Variants in CIT observed in about 807,000 individuals in gnomAD.
The protein encoded by CIT is citron Rho-interacting kinase.
CIT carries 79 observed loss-of-function variants against 272.7 expected under a neutral mutation model. The ratio of observed to expected loss-of-function variants is 0.29; its 90% CI spans 0.24 to 0.35. The LOEUF (loss-of-function observed/expected upper bound fraction) is 0.35. Among genes scored for constraint, CIT ranks in the 10% least tolerant of loss-of-function variants. The pLI is 1.00. For synonymous variants in CIT, 948 were observed against 995.6 expected, an observed-to-expected ratio of 0.95 and a Z score of 0.90; for missense variants, 1,909 against 2,618.3, an observed-to-expected ratio of 0.73 and a Z score of 5.91.
intron 3 of CIT, among the ~76,000 whole-genome samples, chr12:119,862,988 AGGT>A (rs1230754724): frequency 6.7e-6 from 1 of 149,990 alleles, no homozygotes; most frequent in African/African-American, 2.4e-5. Context: ...GCGGATCACA[AGGT>A]CAAGAGTTGG....
At chr12:119,714,366 G>A (rs538832903) in intron 32 of CIT, 32 bp from the exon 33 acceptor site, 2 of 1,611,562 alleles carry the variant, frequency 1.2e-6, no homozygotes. Context: ...AATCATTAGA[G>A]TACTGCAAAT....
chr12:119,797,421 T>C (rs886476923), intron 10 of CIT, among the ~76,000 whole-genome samples: 1 of 152,030 alleles, frequency 6.6e-6, no homozygotes, highest in Non-Finnish European at 1.5e-5. Context: ...AGGAAGAAAT[T>C]GAATGAGCAA....
At chr12:119,866,273 G>A (rs1222474661) in intron 3 of CIT, among the ~76,000 whole-genome samples, 1 of 152,108 alleles carries the variant, frequency 6.6e-6, no homozygotes, top group East Asian at 1.9e-4. Context: ...TTCCTCTCAG[G>A]TGGAATTTGA....
In CIT at chr12:119,708,345, G is replaced by T. The variant is rs186285642; in HGVS notation, c.5072-27C>A. ...TGAACAGGAAAAGGAACAACCTCTC[G>T]TCAGTGTGAAGCCGTTAAGTAAAGG... On this transcript the variant is annotated intron_variant, in intron 39 of 47. Coordinates refer to ENST00000392521, the MANE Select transcript of CIT (RefSeq NM_001206999.2). 32 of 1,532,474 alleles carry T rather than the reference G, an allele frequency of 2.1e-5. No individual in the cohort carries two copies. In the African/African-American group the frequency reaches 4.3e-4, roughly 21 times the overall value. 94.9% of individuals were successfully genotyped at this position (1,532,474 alleles called of 1,614,324 possible).
intron 10 of CIT, among the ~76,000 whole-genome samples, chr12:119,796,413 A>G (rs1202062370): frequency 6.6e-6 from 1 of 152,212 alleles, no homozygotes; most frequent in Non-Finnish European, 1.5e-5. Context: ...TAGAGGCACC[A>G]CTTGGAGAAA....
At chr12:119,800,343 GGAA>G (rs1966086584) in intron 10 of CIT, among the ~76,000 whole-genome samples, 1 of 152,166 alleles carries the variant, frequency 6.6e-6, no homozygotes, top group African/African-American at 2.4e-5. Flanking sequence ...CAAGCTGCAA[GGAA>G]CTCCCACTAC....
intron 9 of CIT, among the ~76,000 whole-genome samples, chr12:119,816,147 T>C (rs1967163531): frequency 1.3e-5 from 2 of 152,202 alleles, no homozygotes; most frequent in African/African-American, 2.4e-5. Context: ...ATAAATGGCA[T>C]GGTAATATCA....
intron 1 of CIT, among the ~76,000 whole-genome samples, chr12:119,876,534 A>C (rs534945445): frequency 6.6e-6 from 1 of 152,348 alleles, no homozygotes; most frequent in African/African-American, 2.4e-5. Flanking sequence ...GAAATAAGCA[A>C]AATATATAGC....
At chr12:119,816,315 G>A (rs1447258048) in intron 9 of CIT, among the ~76,000 whole-genome samples, 1 of 152,110 alleles carries the variant, frequency 6.6e-6, no homozygotes, top group African/African-American at 2.4e-5. Flanking sequence ...GTATATGAAC[G>A]ATGTAATGTC....
rs1373032967 is a variant in CIT at position 119,690,410 on chromosome 12, G to A, written c.5927C>T (p.Thr1976Ile). 1 of 1,596,744 alleles carries A rather than the reference G, an allele frequency of 6.3e-7. No homozygotes were observed. The highest frequency in any genetic ancestry group is 1.1e-5 in the South Asian group (1 of 89,692). Residue 1976 changes from threonine (T) to isoleucine (I), a missense_variant, in exon 47 of 48, where the codon ACC becomes ATC. Physicochemically the swap from Thr to Ile is moderately conservative, Grantham distance 89. Around this residue, in one of 8 missense-constraint regions of CIT, gnomAD observed 780 missense variants for 1,067.2 expected, o/e 0.73. Transcript: ENST00000392521. The surrounding 1 kb of genome is among the most constrained non-coding windows in gnomAD (Gnocchi z 6.0). ...RGPPTYNEHI[T>I]KRVASSPAPP... ...CGCTGGGCTGGAGGCCACGCGCTTG[G>A]TGATGTGCTCGTTGTACGTGGGTGG...
At chr12:119,846,043 C>T (rs1384533576) in intron 5 of CIT, among the ~76,000 whole-genome samples, 1 of 151,840 alleles carries the variant, frequency 6.6e-6, no homozygotes, top group Non-Finnish European at 1.5e-5. Flanking sequence ...AGAACGGTGA[C>T]ATCAAAGTGA....
intron 10 of CIT, among the ~76,000 whole-genome samples, chr12:119,797,547 C>A (rs1401286465): frequency 6.6e-6 from 1 of 152,192 alleles, no homozygotes; most frequent in Non-Finnish European, 1.5e-5. Context: ...TGGGCAGAAG[C>A]TAGTTAAGGT....
intron 19 of CIT, among the ~76,000 whole-genome samples, chr12:119,762,757 C>A: frequency 6.6e-6 from 1 of 152,168 alleles, no homozygotes. Context: ...ATGCACTAGG[C>A]CAGGCATGGT....
chr12:119,725,446 A>C (rs1176353425), intron 28 of CIT, among the ~76,000 whole-genome samples: 1 of 152,114 alleles, frequency 6.6e-6, no homozygotes, highest in African/African-American at 2.4e-5. Flanking sequence ...AATAAAAATA[A>C]AAAATAAAAG....
chr12:119,698,978 G>A (rs991921456), intron 44 of CIT, among the ~76,000 whole-genome samples: 5 of 152,112 alleles, frequency 3.3e-5, no homozygotes, highest in African/African-American at 1.2e-4. Flanking sequence ...GTTCGGGCTG[G>A]GCGCGGTGGC....
intron 23 of CIT, among the ~76,000 whole-genome samples, chr12:119,748,668 A>T (rs1012124585): frequency 1.3e-5 from 2 of 152,266 alleles, no homozygotes; most frequent in African/African-American, 2.4e-5. Flanking sequence ...CAAATCAAAG[A>T]GGATGACTTT....
chr12:119,845,750 G>T (rs1251588531), intron 5 of CIT, among the ~76,000 whole-genome samples: 1 of 148,850 alleles, frequency 6.7e-6, no homozygotes, highest in Admixed American at 6.7e-5. Flanking sequence ...AGGAGTTCAA[G>T]ACCAGCCTGG....
In CIT at chr12:119,874,118, G is replaced by C. The variant is rs569917569; in HGVS notation, c.96+1955C>G. ...CTTACCCACTCTGTCGCCCAGGCTG[G>C]AGTGCAGTGCACCATCTCGGCTCAC... On this transcript the variant is annotated intron_variant, in intron 2 of 47. Coordinates refer to ENST00000392521, the MANE Select transcript of CIT (RefSeq NM_001206999.2). Among the ~76,000 whole-genome samples, 101 of 152,128 alleles carry C rather than the reference G, an allele frequency of 6.6e-4. No homozygotes were observed. In the Middle Eastern group the frequency reaches 0.01, roughly 15 times the overall value.
At chr12:119,819,226 C>T (rs138713376) in intron 9 of CIT, among the ~76,000 whole-genome samples, 128 of 152,326 alleles carry the variant, frequency 8.4e-4, no homozygotes, top group African/African-American at 2.9e-3. Flanking sequence ...TAATGAGAGC[C>T]TGGTGACCCA....
Sources: allele counts gnomAD v4.1 joint callset (sites outside exome capture counted in the v4.1 genomes callset), GRCh38; gene constraint gnomAD v4.1.1; regional missense constraint gnomAD v4.1.1; non-coding constraint Gnocchi (gnomAD v3.1); transcripts MANE v1.5; gene names NCBI Gene and HGNC (gene_info 2026-07-23, HGNC 2026-07-21).